The following MINDY4 variants were observed in gnomAD, a reference collection of about 807,000 sequenced individuals.
MINDY4 encodes probable ubiquitin carboxyl-terminal hydrolase MINDY-4.
MINDY4 carries 68 observed loss-of-function variants against 87.0 expected under a neutral mutation model. The ratio of observed to expected loss-of-function variants is 0.78; its 90% CI spans 0.64 to 0.96. MINDY4 has a LOEUF of 0.96. Ranked by LOEUF, MINDY4 falls within the 40% of genes least tolerant of loss-of-function variation. The pLI, the probability that MINDY4 is intolerant of heterozygous loss-of-function variation, is 0.00. For synonymous variants in MINDY4, 379 were observed against 363.2 expected, an observed-to-expected ratio of 1.04 and a Z score of -0.50; for missense variants, 919 against 928.2, an observed-to-expected ratio of 0.99 and a Z score of 0.13.
chr7:30,788,308 G>T (rs1185789522), intron 4 of MINDY4, among the ~76,000 whole-genome samples: 1 of 152,206 alleles, frequency 6.6e-6, no homozygotes, highest in African/African-American at 2.4e-5. Flanking sequence ...AACCATATCA[G>T]TGAACTTTTT....
At chr7:30,885,709 C>T (rs111988506) in intron 17 of MINDY4, among the ~76,000 whole-genome samples, 6 of 149,278 alleles carry the variant, frequency 4.0e-5, no homozygotes, top group Non-Finnish European at 5.9e-5. Flanking sequence ...AGTGCCCACC[C>T]CCCCCCCAAC....
In MINDY4 at chr7:30,852,111, A is replaced by G. The variant is rs1378666605; in HGVS notation, c.1548-105A>G. ...TTGGCTCCATTTTCTCTCTGGAGCC[A>G]CCTTCTTATTTGTCCTTATTTAATG... is the stretch of plus-strand genomic sequence containing the variant. On this transcript the variant is annotated intron_variant, in intron 10 of 17. Transcript: ENST00000265299. 6.1e-6 allele frequency: 8 copies of G among 1,305,616 alleles called. No individual in the cohort carries two copies. The African/African-American group carries it at 1.0e-4, about 17-fold the overall frequency. 80.9% of individuals were successfully genotyped at this position (1,305,616 alleles called of 1,614,324 possible).
rs1307382912 is a variant in MINDY4, at chr7:30,771,455, C to T, written c.-39C>T. 1.3e-6 allele frequency: 2 copies of T among 1,585,534 alleles called. No homozygotes were observed. Among genetic ancestry groups the T allele is most frequent in the South Asian group, 1.2e-5 (1 of 86,394 alleles). ...CAGACCCAGTTGCCTGGTGCTGCGG[C>T]CCGGCGTGGGCCTCGTGGGCAGAGC... On this transcript the variant is annotated 5_prime_UTR_variant, in exon 1 of 18. Transcript: ENST00000265299.
chr7:30,846,601 G>A (rs1050572467), intron 9 of MINDY4, among the ~76,000 whole-genome samples: 1 of 152,180 alleles, frequency 6.6e-6, no homozygotes, highest in East Asian at 1.9e-4. Context: ...AAAGGCCTGG[G>A]TGATTCAGAC....
chr7:30,777,301 A>T (rs1254860772), intron 1 of MINDY4, among the ~76,000 whole-genome samples: 1 of 152,086 alleles, frequency 6.6e-6, no homozygotes. Flanking sequence ...CATCAGAGAG[A>T]GCCTCGTTAT....
At chr7:30,860,305 C>G (rs909594728) in intron 13 of MINDY4, among the ~76,000 whole-genome samples, 1 of 152,056 alleles carries the variant, frequency 6.6e-6, no homozygotes, top group Non-Finnish European at 1.5e-5. Context: ...GCTGTGGATT[C>G]GGGGGAGGAC....
intron 5 of MINDY4, among the ~76,000 whole-genome samples, chr7:30,801,094 G>T (rs1787637039): frequency 6.6e-6 from 1 of 152,102 alleles, no homozygotes; most frequent in Non-Finnish European, 1.5e-5. Context: ...AAAGCCACGG[G>T]CGCACAGATG....
chr7:30,826,854 A>G (rs915290493), intron 5 of MINDY4, among the ~76,000 whole-genome samples: 6 of 152,188 alleles, frequency 3.9e-5, no homozygotes, highest in Non-Finnish European at 8.8e-5. Flanking sequence ...AGTGTGTGGA[A>G]CGGTCAAGGG....
intron 15 of MINDY4, among the ~76,000 whole-genome samples, 179 bp from the exon 16 acceptor site, chr7:30,882,002 G>A (rs916578576): frequency 6.6e-6 from 1 of 152,154 alleles, no homozygotes; most frequent in African/African-American, 2.4e-5. Flanking sequence ...GGCAGGGCAG[G>A]GATGGCCCTG....
chr7:30,833,934 A>G (rs1034156741), intron 6 of MINDY4, among the ~76,000 whole-genome samples: 1 of 152,216 alleles, frequency 6.6e-6, no homozygotes, highest in Non-Finnish European at 1.5e-5. Flanking sequence ...GTGGGTTCCC[A>G]TGGTCTTGGG....
intron 17 of MINDY4, among the ~76,000 whole-genome samples, chr7:30,890,406 A>G (rs966222105): frequency 6.6e-6 from 1 of 152,252 alleles, no homozygotes; most frequent in Non-Finnish European, 1.5e-5. Context: ...GGAGAATGCA[A>G]TATTAATTGT....
chr7:30,852,155 C>T (rs1015304164), intron 10 of MINDY4, 61 bp from the exon 11 acceptor site: 58 of 1,603,110 alleles, frequency 3.6e-5, no homozygotes, highest in African/African-American at 1.5e-4. Flanking sequence ...GGTTTCGCCC[C>T]GGCTGGAGGG....
chr7:30,873,999 T>A (rs774361898), intron 14 of MINDY4, among the ~76,000 whole-genome samples: 33 of 152,220 alleles, frequency 2.2e-4, no homozygotes, highest in Non-Finnish European at 3.8e-4. Context: ...GGGGCAGGGG[T>A]ATTGGTGTTA....
chr7:30,854,145 C>T (rs1789501338), intron 12 of MINDY4, among the ~76,000 whole-genome samples: 1 of 152,312 alleles, frequency 6.6e-6, no homozygotes, highest in South Asian at 2.1e-4. Flanking sequence ...GTAAAGAACA[C>T]GGTCTCTGGA....
chr7:30,786,277 T>C, intron 4 of MINDY4: 1 of 398,902 alleles, frequency 2.5e-6, no homozygotes, highest in Non-Finnish European at 4.6e-6. Flanking sequence ...CTACTCAGCT[T>C]TGTCTTTGCA....
chr7:30,834,980 A>G (rs559059392), intron 6 of MINDY4, among the ~76,000 whole-genome samples: 133 of 152,276 alleles, frequency 8.7e-4, no homozygotes, highest in Non-Finnish European at 1.7e-3. Context: ...GAAGTTTCAA[A>G]CTTTCCCACA....
At chr7:30,797,059 T>C (rs1345052624) in intron 5 of MINDY4, among the ~76,000 whole-genome samples, 1 of 152,236 alleles carries the variant, frequency 6.6e-6, no homozygotes, top group Non-Finnish European at 1.5e-5. Flanking sequence ...TTCAGTGACA[T>C]CACATTGGTA....
chr7:30,835,707 G>T (rs1160019911), intron 6 of MINDY4, among the ~76,000 whole-genome samples: 4 of 152,206 alleles, frequency 2.6e-5, no homozygotes, highest in African/African-American at 7.2e-5. Context: ...ACTCTGGCAG[G>T]CCCCTCTAGG....
chr7:30,863,551 G>A (rs1471838718), intron 13 of MINDY4, among the ~76,000 whole-genome samples: 1 of 152,198 alleles, frequency 6.6e-6, no homozygotes, highest in Non-Finnish European at 1.5e-5. Flanking sequence ...TCATGCCTGG[G>A]CACTGGAGGC....
Sources: gnomAD v4.1 joint callset for allele counts (sites outside exome capture counted in the v4.1 genomes callset) on GRCh38, gnomAD v4.1.1 for gene constraint, MANE v1.5 for transcripts, NCBI Gene and HGNC (gene_info 2026-07-23, HGNC 2026-07-21) for gene names.